ENPP3: variants seen among roughly 807,000 people sequenced by gnomAD.
The protein encoded by ENPP3 is ectonucleotide pyrophosphatase/phosphodiesterase 3.
ENPP3 carries 104 observed loss-of-function variants against 117.8 expected under a neutral mutation model. The observed-to-expected ratio is 0.88, with a 90% CI of 0.75 to 1.04. The LOEUF is 1.04. Ranked by LOEUF, ENPP3 falls within the 50% of genes least tolerant of loss-of-function variation. The pLI, the probability that ENPP3 is intolerant of heterozygous loss-of-function variation, is 0.00. For synonymous variants in ENPP3, 380 were observed against 349.9 expected (o/e 1.09, Z -0.96); for missense variants, 1,026 against 1,051.9 (o/e 0.98, Z 0.34).
intron 18 of ENPP3, among the ~76,000 whole-genome samples, chr6:131,722,873 A>G (rs576600470): frequency 6.6e-6 from 1 of 152,262 alleles, no homozygotes; most frequent in South Asian, 2.1e-4. Context: ...AATCTGGCTG[A>G]CAGTTGACAC....
At chr6:131,713,250 TC>T (rs1779824861) in intron 15 of ENPP3, among the ~76,000 whole-genome samples, 1 of 146,298 alleles carries the variant, frequency 6.8e-6, no homozygotes, top group Admixed American at 6.9e-5. Context: ...TCACTAAACC[TC>T]TTTCTTTTAT....
At chr6:131,722,712 A>G (rs976312902) in intron 18 of ENPP3, among the ~76,000 whole-genome samples, 6 of 152,312 alleles carry the variant, frequency 3.9e-5, no homozygotes, top group Admixed American at 2.0e-4. Flanking sequence ...AACTTTCCTT[A>G]TAAACCATTC....
At chr6:131,745,145 T>C (rs1233946818) in intron 24 of ENPP3, among the ~76,000 whole-genome samples, 1 of 151,434 alleles carries the variant, frequency 6.6e-6, no homozygotes, top group Non-Finnish European at 1.5e-5. Context: ...TGGGAGAAAA[T>C]GTTATGGAAA....
chr6:131,720,498 G>GT (rs1424642615), intron 17 of ENPP3, 119 bp downstream of exon 17: 4 of 519,440 alleles, frequency 7.7e-6, no homozygotes, highest in Non-Finnish European at 1.4e-5. Context: ...AAGGCAGAAA[G>GT]TAAAAAAGAT....
At chr6:131,653,926 A>C (rs1195749011) in intron 5 of ENPP3, among the ~76,000 whole-genome samples, 1 of 151,842 alleles carries the variant, frequency 6.6e-6, no homozygotes, top group South Asian at 2.1e-4. Flanking sequence ...TGCTCCGCTG[A>C]CTGCCAGGGC....
At chr6:131,745,996 C>CGCCCA (rs1780628370) in intron 24 of ENPP3, among the ~76,000 whole-genome samples, 1 of 151,896 alleles carries the variant, frequency 6.6e-6, no homozygotes, top group South Asian at 2.1e-4. Context: ...CGGCGGGTGC[C>CGCCCA]TGTAATCCCA....
At chr6:131,683,718 G>T (rs1050998306) in intron 12 of ENPP3, among the ~76,000 whole-genome samples, 6 of 146,680 alleles carry the variant, frequency 4.1e-5, no homozygotes, top group African/African-American at 1.5e-4. Context: ...CATTCAAACA[G>T]TTTTGAAGTA....
intron 20 of ENPP3, 80 bp downstream of exon 20, chr6:131,726,280 T>G: frequency 7.5e-7 from 1 of 1,339,416 alleles, no homozygotes; most frequent in Non-Finnish European, 1.0e-6. Context: ...AATTTTGTTT[T>G]GCAGCAGAGA....
chr6:131,654,633 G>C (rs993573293), intron 5 of ENPP3, among the ~76,000 whole-genome samples: 3 of 152,096 alleles, frequency 2.0e-5, no homozygotes, highest in Non-Finnish European at 4.4e-5. Context: ...TGTAGAGACA[G>C]TGTTTTTCCA....
intron 16 of ENPP3, 132 bp from the exon 17 acceptor site, chr6:131,720,160 T>TA (rs1442269910): frequency 2.6e-4 from 140 of 541,416 alleles, no homozygotes; most frequent in East Asian, 7.8e-4. Flanking sequence ...TTTTCAAAAC[T>TA]AAAAAAAAAT....
At chr6:131,662,270 G>A (rs1225164770) in intron 6 of ENPP3, among the ~76,000 whole-genome samples, 2 of 151,242 alleles carry the variant, frequency 1.3e-5, no homozygotes, top group Admixed American at 1.3e-4. Flanking sequence ...TCTGAGATAG[G>A]GTCTCACTCT....
chr6:131,685,745 T>C (rs1334387364), intron 13 of ENPP3, 131 bp from the exon 14 acceptor site: 6 of 659,682 alleles, frequency 9.1e-6, no homozygotes, highest in Non-Finnish European at 1.6e-5. Flanking sequence ...CTTGAAATAA[T>C]TTTTAATATA....
chr6:131,736,031 T>C (rs1289136539), intron 21 of ENPP3, among the ~76,000 whole-genome samples: 1 of 152,264 alleles, frequency 6.6e-6, no homozygotes, highest in East Asian at 1.9e-4. Context: ...TTTACAGGTT[T>C]GCAGCTTTTA....
intron 7 of ENPP3, among the ~76,000 whole-genome samples, chr6:131,673,499 A>G (rs1050365441): frequency 6.6e-6 from 1 of 152,172 alleles, no homozygotes; most frequent in African/African-American, 2.4e-5. Context: ...AAGGGGAAAC[A>G]ACAGACACTG....
At chr6:131,644,101 T>C (rs1778109403) in intron 2 of ENPP3, among the ~76,000 whole-genome samples, 1 of 152,090 alleles carries the variant, frequency 6.6e-6, no homozygotes, top group East Asian at 1.9e-4. Flanking sequence ...GCATGTTCCA[T>C]TTAAGGAATA....
At chr6:131,717,351 G>GGT (rs71030754) in intron 15 of ENPP3, among the ~76,000 whole-genome samples, 1,794 of 89,362 alleles carry the variant, frequency 0.02, 20 homozygotes, top group Middle Eastern at 0.046. Flanking sequence ...CCCTGCGGGG[G>GGT]GTGTGTGTGT....
intron 20 of ENPP3, among the ~76,000 whole-genome samples, chr6:131,728,979 C>T (rs1372640459): frequency 6.6e-6 from 1 of 152,152 alleles, no homozygotes; most frequent in Non-Finnish European, 1.5e-5. Context: ...ATAGGTATTT[C>T]AGAATTTAAT....
At chr6:131,656,732 A>G (rs1214874664) in intron 5 of ENPP3, among the ~76,000 whole-genome samples, 1 of 151,130 alleles carries the variant, frequency 6.6e-6, no homozygotes, top group Non-Finnish European at 1.5e-5. Flanking sequence ...AGGCCACTGC[A>G]CTCCAGCCTG....
Position 131,693,638 on chromosome 6 carries a change from T to G in ENPP3, c.1412+14T>G. On this transcript the variant is annotated intron_variant, in intron 15 of 24. Coordinates refer to ENST00000357639, the MANE Select transcript of ENPP3 (RefSeq NM_005021.5). Reference sequence around the variant, plus strand: ...GCTGGCTGTTAGGTTCGTGTATCTGTTTACTTATCTCATAATGCCTTTAAT... The same window carrying G: ...GCTGGCTGTTAGGTTCGTGTATCTGGTTACTTATCTCATAATGCCTTTAAT... 6.2e-7 allele frequency: 1 copy of G among 1,611,012 alleles called. No homozygotes were observed. Among genetic ancestry groups the G allele is most frequent in the Non-Finnish European group, 8.5e-7 (1 of 1,178,360 alleles).
Sources: gnomAD v4.1 joint callset for allele counts (sites outside exome capture counted in the v4.1 genomes callset) on GRCh38, gnomAD v4.1.1 for gene constraint, MANE v1.5 for transcripts, NCBI Gene and HGNC (gene_info 2026-07-23, HGNC 2026-07-21) for gene names.